AUH: variants seen among roughly 807,000 people sequenced by gnomAD.
The protein encoded by AUH is AU RNA binding methylglutaconyl-CoA hydratase.
AUH carries 29 observed loss-of-function variants against 42.3 expected under a neutral mutation model. That is an observed-to-expected ratio of 0.69 (90% CI 0.51 to 0.93). The LOEUF (loss-of-function observed/expected upper bound fraction) is 0.93. Ranked by LOEUF, AUH falls within the 40% of genes least tolerant of loss-of-function variation. The probability of loss-of-function intolerance (pLI) is 0.00; values close to 1 mark genes in which losing one functional copy is unlikely to be tolerated. For synonymous variants in AUH, 174 were observed against 166.4 expected (o/e 1.05, Z -0.35); for missense variants, 452 against 438.1 (o/e 1.03, Z -0.28).
In AUH at chr9:91,230,810, G is replaced by T. The variant is rs575488288; in HGVS notation, c.656-9818C>A. ...AGCTGCAGGTCTGTTGGAGAACCCT[G>T]CAGTGTGAGGTATCAGTGTGCCCCT... is the stretch of plus-strand genomic sequence containing the variant. On this transcript the variant is annotated intron_variant, in intron 6 of 9. Transcript: ENST00000375731. Among the ~76,000 whole-genome samples, 9 of 152,354 alleles carry T rather than the reference G, an allele frequency of 5.9e-5. No homozygotes were observed. In the South Asian group the frequency reaches 1.9e-3, roughly 32 times the overall value.
intron 6 of AUH, among the ~76,000 whole-genome samples, chr9:91,250,242 C>A (rs1301117996): frequency 6.6e-6 from 1 of 152,150 alleles, no homozygotes; most frequent in African/African-American, 2.4e-5. Flanking sequence ...ACCTCACCCA[C>A]TCCTCACGAC....
At chr9:91,332,401 C>T (rs1237028739) in intron 3 of AUH, among the ~76,000 whole-genome samples, 1 of 152,090 alleles carries the variant, frequency 6.6e-6, no homozygotes, top group Non-Finnish European at 1.5e-5. Context: ...ACTTGGGAGG[C>T]TGAGGCAGGA....
Position 91,220,823 on chromosome 9 carries a change from C to T in AUH, c.825G>A (p.Ala275=), listed in dbSNP as rs781471363. The stretch of plus-strand genomic sequence containing the variant: ...GAAATACCTGAGGTAAAAACTCTCT[C>T]GCCAGGTCCAAGGCCTTCCTGTAGG... ...DAAYRKALDL[A]REFLPQGPVA... is the part of the protein sequence containing the mutation. The change falls in exon 7 of 10, where the codon GCG becomes GCA. Residue 275 remains alanine (A), a synonymous_variant. Transcript: ENST00000375731. The T allele has an allele frequency of 1.0e-4, 162 of 1,614,160 alleles. 2 individuals carry two copies. The South Asian group carries it at 1.6e-3, about 16-fold the overall frequency.
rs141619780 is a variant in AUH at position 91,234,579 on chromosome 9, G to T, written c.656-13587C>A. On this transcript the variant is annotated intron_variant, in intron 6 of 9. Coordinates refer to ENST00000375731, the MANE Select transcript of AUH (RefSeq NM_001698.3). Reference sequence around the variant, plus strand: ...ATTAGTTTTCTTTCTCTTTAAAAAAGTCAGATGAAACTGAATGGGAGTTTA... The same window carrying T: ...ATTAGTTTTCTTTCTCTTTAAAAAATTCAGATGAAACTGAATGGGAGTTTA... Among the ~76,000 whole-genome samples the T allele has an allele frequency of 7.8e-3, 1,178 of 151,922 alleles. 6 individuals carry two copies. The highest frequency in any genetic ancestry group is 0.012 in the Non-Finnish European group (792 of 67,940).
At chr9:91,227,948 G>C (rs370581234) in intron 6 of AUH, among the ~76,000 whole-genome samples, 3 of 152,018 alleles carry the variant, frequency 2.0e-5, no homozygotes, top group Non-Finnish European at 4.4e-5. Flanking sequence ...TGCTGGATTT[G>C]GTTTGCCAGT....
At chr9:91,288,375 A>G (rs929008377) in intron 6 of AUH, among the ~76,000 whole-genome samples, 26 of 152,300 alleles carry the variant, frequency 1.7e-4, no homozygotes, top group African/African-American at 4.3e-4. Context: ...TTATTTTATA[A>G]TATTTGCATA....
intron 1 of AUH, among the ~76,000 whole-genome samples, chr9:91,358,838 AAT>A (rs1832634486): frequency 6.6e-6 from 1 of 152,236 alleles, no homozygotes; most frequent in South Asian, 2.1e-4. Context: ...TGAATTATCT[AAT>A]ATGTAACAAC....
intron 6 of AUH, among the ~76,000 whole-genome samples, chr9:91,226,127 C>T (rs1827456671): frequency 6.7e-6 from 1 of 149,818 alleles, no homozygotes; most frequent in Non-Finnish European, 1.5e-5. Context: ...AATCACCACA[C>T]TGACTTCCAC....
chr9:91,313,576 G>A (rs1587837386), intron 4 of AUH, among the ~76,000 whole-genome samples: 1 of 151,382 alleles, frequency 6.6e-6, no homozygotes, highest in African/African-American at 2.4e-5. Flanking sequence ...GCGGTGGCGG[G>A]CGCCTGTAGT....
intron 6 of AUH, among the ~76,000 whole-genome samples, chr9:91,259,903 G>A (rs556943026): frequency 5.9e-5 from 9 of 152,112 alleles, no homozygotes; most frequent in African/African-American, 1.9e-4. Context: ...TGAGTTCTCC[G>A]AAAATGTTAG....
At chr9:91,225,538 C>CT (rs954897942) in intron 6 of AUH, among the ~76,000 whole-genome samples, 4 of 151,054 alleles carry the variant, frequency 2.6e-5, no homozygotes, top group South Asian at 2.1e-4. Context: ...AGTGCCAGTT[C>CT]TTTTTTTTTA....
intron 6 of AUH, among the ~76,000 whole-genome samples, chr9:91,231,545 G>A (rs981450964): frequency 6.6e-6 from 1 of 152,188 alleles, no homozygotes; most frequent in African/African-American, 2.4e-5. Flanking sequence ...GCTGTAGACC[G>A]GAGCTGTTCC....
intron 6 of AUH, among the ~76,000 whole-genome samples, chr9:91,221,487 C>G (rs764605150): frequency 7.2e-5 from 11 of 152,160 alleles, no homozygotes; most frequent in Non-Finnish European, 1.6e-4. Context: ...AGAAATAAAA[C>G]CAGACAATGA....
At chr9:91,320,923 G>GA (rs1564098433) in intron 4 of AUH, among the ~76,000 whole-genome samples, 2 of 152,270 alleles carry the variant, frequency 1.3e-5, no homozygotes, top group East Asian at 3.9e-4. Flanking sequence ...AATTGAGGGA[G>GA]ATGGGTTGAT....
At chr9:91,286,762 AC>A (rs1191680082) in intron 6 of AUH, among the ~76,000 whole-genome samples, 1 of 151,660 alleles carries the variant, frequency 6.6e-6, no homozygotes, top group Non-Finnish European at 1.5e-5. Flanking sequence ...CTATCTACCT[AC>A]CTACCTAACT....
intron 6 of AUH, among the ~76,000 whole-genome samples, chr9:91,227,196 C>T (rs569965916): frequency 1.6e-4 from 24 of 151,148 alleles, no homozygotes; most frequent in African/African-American, 5.6e-4. Context: ...ATGGAATGTT[C>T]TTCCATTTGT....
intron 4 of AUH, chr9:91,306,261 G>T: frequency 1.4e-6 from 1 of 702,886 alleles, no homozygotes; most frequent in Non-Finnish European, 1.7e-6. Flanking sequence ...TAAGGGAAAT[G>T]CACAGATGAC....
At chr9:91,358,925 T>C (rs1052190814) in intron 1 of AUH, among the ~76,000 whole-genome samples, 2 of 152,180 alleles carry the variant, frequency 1.3e-5, no homozygotes, top group Non-Finnish European at 2.9e-5. Context: ...CAGCAAAGTC[T>C]AAAAGTTTTT....
chr9:91,263,345 C>A (rs1448550044), intron 6 of AUH, among the ~76,000 whole-genome samples: 1 of 152,100 alleles, frequency 6.6e-6, no homozygotes. Flanking sequence ...AGTAAAAAAG[C>A]ACAAATGTTT....
Sources: allele counts gnomAD v4.1 joint callset (sites outside exome capture counted in the v4.1 genomes callset), GRCh38; gene constraint gnomAD v4.1.1; transcripts MANE v1.5; gene names NCBI Gene and HGNC (gene_info 2026-07-23, HGNC 2026-07-21).